The following UBE3B variants were observed in gnomAD, a reference collection of about 807,000 sequenced individuals.
UBE3B encodes ubiquitin protein ligase E3B, also known as ubiquitin-protein ligase E3B.
Under a neutral mutation model 132.3 loss-of-function variants are expected in UBE3B, and 80 were observed. That is an observed-to-expected ratio of 0.60 (90% CI 0.50 to 0.73). The LOEUF (loss-of-function observed/expected upper bound fraction) is 0.73. Among genes scored for constraint, UBE3B ranks in the 30% least tolerant of loss-of-function variants. UBE3B has a pLI of 0.00. For synonymous variants in UBE3B, 487 were observed against 520.4 expected (o/e 0.94, Z 0.87); for missense variants, 1,196 against 1,362.5 (o/e 0.88, Z 1.92).
rs747380038 is a variant in UBE3B at position 109,533,569 on chromosome 12, G to A, written c.3015+11G>A. The A allele has an allele frequency of 3.0e-5, 48 of 1,609,340 alleles. No individual in the cohort carries two copies. Among genetic ancestry groups the A allele is most frequent in the Admixed American group, 8.3e-5 (5 of 59,988 alleles). ...GTGTCGGACGATCAGGTACCCCCAC[G>A]GGGTGGGTGGGGAAGAGCCTTGACT... On this transcript the variant is annotated intron_variant, in intron 27 of 27. Coordinates refer to ENST00000342494, the MANE Select transcript of UBE3B (RefSeq NM_130466.4).
chr12:109,533,876 A>C, intron 27 of UBE3B: 1 of 1,308,400 alleles, frequency 7.6e-7, no homozygotes, highest in Non-Finnish European at 1.0e-6. Context: ...CTGAGGCAGC[A>C]TGGGAGAAAG....
rs556289279 is a variant in UBE3B, at chr12:109,491,797, C to T, written c.713+670C>T. 94 of 152,334 alleles carry T rather than the reference C, an allele frequency of 6.2e-4. 1 individual carries two copies. The highest frequency in any genetic ancestry group is 2.3e-3 in the African/African-American group (94 of 41,558). The allele number at this position is 152,334 out of a possible 1,614,324, so 9.4% of individuals were successfully genotyped here. A position where few individuals can be genotyped will look rare whatever the true frequency, so the allele number is the denominator to read the frequency against. On this transcript the variant is annotated intron_variant, in intron 9 of 27. Coordinates refer to ENST00000342494, the MANE Select transcript of UBE3B (RefSeq NM_130466.4). The stretch of plus-strand genomic sequence containing the variant: ...TGGTGAAAGCTGCCTGCTCTGCCCC[C>T]ATCTGTGGATCTACAGTACACCTTC...
At chr12:109,527,201 C>G (rs11609871) in intron 24 of UBE3B, among the ~76,000 whole-genome samples, 25,542 of 152,076 alleles carry the variant, frequency 0.17, 2,206 homozygotes, top group African/African-American at 0.18. Context: ...ACTCTGAGGC[C>G]CAGCAACTAT....
Position 109,534,698 on chromosome 12 carries a change from G to A in UBE3B, c.3123G>A (p.Lys1041=). 6.2e-7 allele frequency: 1 copy of A among 1,608,262 alleles called. No homozygotes were observed. The highest frequency in any genetic ancestry group is 8.5e-7 in the Non-Finnish European group (1 of 1,177,792). ...PTSSTCFNLL[K]LPNYSKKSVL... The stretch of plus-strand genomic sequence containing the variant: ...CCTCCACCTGCTTCAACCTGCTCAA[G>A]CTGCCCAACTACAGCAAGAAGAGCG... Residue 1041 remains lysine, a synonymous_variant, in exon 28 of 28, where the codon AAG becomes AAA. Coordinates refer to ENST00000342494, the MANE Select transcript of UBE3B (RefSeq NM_130466.4). The surrounding 1 kb of genome is among the most constrained non-coding windows in gnomAD (Gnocchi z 5.2).
At chr12:109,480,248 ACTATACACT>A (rs1875142000) in intron 1 of UBE3B, among the ~76,000 whole-genome samples, 1 of 151,002 alleles carries the variant, frequency 6.6e-6, no homozygotes, top group Non-Finnish European at 1.5e-5. Flanking sequence ...AGACTTCCTG[ACTATACACT>A]CTACAATGTG....
At chr12:109,515,433 G>A (rs903476214) in intron 18 of UBE3B, among the ~76,000 whole-genome samples, 2 of 151,812 alleles carry the variant, frequency 1.3e-5, no homozygotes, top group Admixed American at 6.6e-5. Context: ...GTGATGGTAC[G>A]ATCTTGGCTC....
chr12:109,529,626 C>T (rs1342952214), intron 24 of UBE3B, among the ~76,000 whole-genome samples: 2 of 152,120 alleles, frequency 1.3e-5, no homozygotes, highest in African/African-American at 4.8e-5. Context: ...GGGGGCTTAC[C>T]CCGAGGTGTG....
intron 19 of UBE3B, chr12:109,520,177 C>A (rs1881531737): frequency 6.6e-6 from 1 of 152,280 alleles, no homozygotes; most frequent in African/African-American, 2.4e-5. Flanking sequence ...ATCAGTTTCA[C>A]CTGGTGATTG....
chr12:109,525,492 T>C (rs1882241213), intron 23 of UBE3B, among the ~76,000 whole-genome samples: 1 of 152,060 alleles, frequency 6.6e-6, no homozygotes, highest in Admixed American at 6.6e-5. Flanking sequence ...TGGTGCCACC[T>C]GAGATGCTGA....
intron 13 of UBE3B, among the ~76,000 whole-genome samples, chr12:109,502,523 G>A (rs1879132184): frequency 6.6e-6 from 1 of 152,230 alleles, no homozygotes; most frequent in Non-Finnish European, 1.5e-5. Context: ...ATAGCTAGCA[G>A]TAAGCGTGGG....
At chr12:109,494,568 G>T (rs894047289) in intron 9 of UBE3B, among the ~76,000 whole-genome samples, 15 of 152,102 alleles carry the variant, frequency 9.9e-5, no homozygotes, top group African/African-American at 3.1e-4. Context: ...CACCATGTCT[G>T]GCCCTGTTAA....
intron 18 of UBE3B, 79 bp downstream of exon 18, chr12:109,511,382 G>A (rs935916706): frequency 2.3e-6 from 3 of 1,296,134 alleles, no homozygotes; most frequent in African/African-American, 2.9e-5. Context: ...CCTTGCTATG[G>A]CAATTGGAGG....
At chr12:109,511,131 T>C in intron 17 of UBE3B, 73 bp from the exon 18 acceptor site, 1 of 1,389,184 alleles carries the variant, frequency 7.2e-7, no homozygotes. Flanking sequence ...CCACATGGTG[T>C]CATTTCCCAG....
In UBE3B at chr12:109,534,450, G is replaced by A. The variant is rs1020892950; in HGVS notation, c.3016-141G>A. On this transcript the variant is annotated intron_variant, in intron 27 of 27. Coordinates refer to ENST00000342494, the MANE Select transcript of UBE3B (RefSeq NM_130466.4). The surrounding 1 kb of genome is among the most constrained non-coding windows in gnomAD (Gnocchi z 5.2). Reference sequence around the variant, plus strand: ...TGTGTCTGGGGCTTGACCTCGGGTAGTGGTGCCAGGGCAGCGCCCTGCACT... The same window carrying A: ...TGTGTCTGGGGCTTGACCTCGGGTAATGGTGCCAGGGCAGCGCCCTGCACT... 1.5e-5 allele frequency: 22 copies of A among 1,435,786 alleles called. No individual in the cohort carries two copies. In the African/African-American group the frequency reaches 2.8e-4, roughly 18 times the overall value. 88.9% of individuals were successfully genotyped at this position (1,435,786 alleles called of 1,614,324 possible).
Position 109,494,381 on chromosome 12 carries a change from G to A in UBE3B, c.713+3254G>A, listed in dbSNP as rs1294315317. Among the ~76,000 whole-genome samples, 7 of 152,052 alleles carry A rather than the reference G, an allele frequency of 4.6e-5. No individual in the cohort carries two copies. The South Asian group carries it at 8.3e-4, about 18-fold the overall frequency. On this transcript the variant is annotated intron_variant, in intron 9 of 27. Transcript: ENST00000342494. The stretch of plus-strand genomic sequence containing the variant: ...AACTTGCCCTGTTCCTCACACTGCC[G>A]TGGCATTGATTTTCTGGACGCCTAG...
chr12:109,486,768 A>T (rs1876545033), intron 6 of UBE3B, among the ~76,000 whole-genome samples, 193 bp downstream of exon 6: 1 of 151,984 alleles, frequency 6.6e-6, no homozygotes, highest in African/African-American at 2.4e-5. Context: ...TGGACCCTTA[A>T]ACTGCTTGCC....
At chr12:109,524,639 C>T (rs1305897850) in intron 23 of UBE3B, 136 bp downstream of exon 23, 2 of 915,684 alleles carry the variant, frequency 2.2e-6, no homozygotes, top group Admixed American at 2.3e-5. Context: ...ACCCCTCGCC[C>T]ATCCTCCTCC....
At chr12:109,495,612 A>G (rs1451859275) in intron 9 of UBE3B, among the ~76,000 whole-genome samples, 4 of 152,230 alleles carry the variant, frequency 2.6e-5, no homozygotes, top group Admixed American at 2.0e-4. Flanking sequence ...AGAGCCTCGA[A>G]CAGAGATTTA....
chr12:109,509,812 C>A, intron 16 of UBE3B, 98 bp downstream of exon 16: 1 of 744,858 alleles, frequency 1.3e-6, no homozygotes, highest in Non-Finnish European at 2.2e-6. Flanking sequence ...ATTGTCTCTC[C>A]AAGTTAATAG....
Sources: gnomAD v4.1 joint callset for allele counts (sites outside exome capture counted in the v4.1 genomes callset) on GRCh38, gnomAD v4.1.1 for gene constraint, Gnocchi (gnomAD v3.1) non-coding constraint, MANE v1.5 for transcripts, NCBI Gene and HGNC (gene_info 2026-07-23, HGNC 2026-07-21) for gene names.